GRB10: variants seen among roughly 807,000 people sequenced by gnomAD.
GRB10 encodes growth factor receptor-bound protein 10.
GRB10 carries 20 observed loss-of-function variants against 80.9 expected under a neutral mutation model. The observed-to-expected ratio is 0.25, with a 90% confidence interval of 0.17 to 0.36. The LOEUF is 0.36. GRB10 is among the 10% of genes least tolerant of loss of function. The pLI is 1.00. For missense variants in GRB10, 548 were observed against 747.7 expected, an observed-to-expected ratio of 0.73 and a Z score of 3.12; for synonymous variants, 291 against 291.5, an observed-to-expected ratio of 1.00 and a Z score of 0.02.
intron 7 of GRB10, among the ~76,000 whole-genome samples, chr7:50,641,866 C>T (rs2056324458): frequency 6.6e-6 from 1 of 152,168 alleles, no homozygotes; most frequent in Non-Finnish European, 1.5e-5. Context: ...TGAGCGAGCC[C>T]AGAGTGTGTC....
In GRB10 at chr7:50,703,848, G is replaced by C; in HGVS notation, c.112C>G (p.Gln38Glu). Residue 38 changes from glutamine to glutamate, a missense_variant, in exon 5 of 19, where the codon CAG becomes GAG. Coordinates refer to ENST00000401949, the MANE Select transcript of GRB10 (RefSeq NM_001350814.2). The stretch of plus-strand genomic sequence containing the variant: ...TGGTGATTCGCAAGTCGGTCAGACT[G>C]TGCGGGGAGTCCTGGTCCTGCCGGG... ...QDPAGPGLPA[Q>E]SDRLANHQED... The C allele has an allele frequency of 6.2e-7, 1 of 1,613,416 alleles. No individual in the cohort carries two copies. The highest frequency in any genetic ancestry group is 8.5e-7 in the Non-Finnish European group (1 of 1,179,498).
chr7:50,655,591 C>G (rs566838887), intron 7 of GRB10, among the ~76,000 whole-genome samples: 98 of 152,324 alleles, frequency 6.4e-4, no homozygotes, highest in African/African-American at 2.3e-3. Context: ...CCAGATAACA[C>G]GTCAGCATCT....
At chr7:50,749,130 G>GTTTTTTTTTTTTTTTTTTTTTT (rs71018483) in intron 3 of GRB10, among the ~76,000 whole-genome samples, 3 of 139,546 alleles carry the variant, frequency 2.1e-5, no homozygotes, top group African/African-American at 5.4e-5. Context: ...TTGTTTTTTT[G>GTTTTTTTTTTTTTTTTTTTTTT]TTTGTTTTTT....
At chr7:50,776,625 G>A (rs920829601) in intron 2 of GRB10, among the ~76,000 whole-genome samples, 4 of 152,108 alleles carry the variant, frequency 2.6e-5, no homozygotes, top group African/African-American at 7.2e-5. Context: ...CTATGCTCAC[G>A]GATTTCTTCC....
intron 15 of GRB10, 51 bp from the exon 16 acceptor site, chr7:50,604,428 A>G: frequency 6.8e-7 from 1 of 1,465,372 alleles, no homozygotes; most frequent in Non-Finnish European, 9.6e-7. Context: ...AGACACACCA[A>G]GTCACCCAAT....
At chr7:50,692,048 G>A (rs1465987954) in intron 5 of GRB10, among the ~76,000 whole-genome samples, 1 of 152,144 alleles carries the variant, frequency 6.6e-6, no homozygotes, top group Non-Finnish European at 1.5e-5. Flanking sequence ...AAAACAGAGT[G>A]TACTTGCACA....
At chr7:50,632,396 C>A (rs951423569) in intron 7 of GRB10, among the ~76,000 whole-genome samples, 1 of 152,206 alleles carries the variant, frequency 6.6e-6, no homozygotes, top group Non-Finnish European at 1.5e-5. Flanking sequence ...ACCCTGAGGC[C>A]TGGTCTCAGC....
chr7:50,725,074 C>T (rs1196745659), intron 4 of GRB10, among the ~76,000 whole-genome samples: 5 of 152,138 alleles, frequency 3.3e-5, no homozygotes, highest in Admixed American at 2.6e-4. Context: ...TGCTGCCTGC[C>T]CTACCTGCTG....
chr7:50,713,895 T>C (rs939385285), intron 4 of GRB10, among the ~76,000 whole-genome samples: 3 of 150,886 alleles, frequency 2.0e-5, no homozygotes, highest in Non-Finnish European at 4.4e-5. Flanking sequence ...CCTCCTCCAC[T>C]ACCTACCCCT....
intron 5 of GRB10, among the ~76,000 whole-genome samples, chr7:50,700,553 C>T (rs1244494339): frequency 6.6e-6 from 1 of 152,112 alleles, no homozygotes; most frequent in Non-Finnish European, 1.5e-5. Context: ...TTCTACATTC[C>T]TTATTCTATT....
chr7:50,638,359 A>G (rs2055472128), intron 7 of GRB10, among the ~76,000 whole-genome samples: 1 of 152,210 alleles, frequency 6.6e-6, no homozygotes, highest in Non-Finnish European at 1.5e-5. Flanking sequence ...AAGGACTAAT[A>G]CCCAGAATCT....
chr7:50,776,651 T>C (rs574924165), intron 2 of GRB10, among the ~76,000 whole-genome samples: 14 of 152,182 alleles, frequency 9.2e-5, no homozygotes, highest in Non-Finnish European at 1.8e-4. Flanking sequence ...ATATCCTAGG[T>C]TGTCACTCTT....
intron 13 of GRB10, among the ~76,000 whole-genome samples, chr7:50,612,127 C>G (rs2049648636): frequency 6.6e-6 from 1 of 152,200 alleles, no homozygotes; most frequent in African/African-American, 2.4e-5. Context: ...AACTTACAGT[C>G]AGGAGGTACT....
chr7:50,748,584 G>A (rs1287546543), intron 3 of GRB10, among the ~76,000 whole-genome samples: 1 of 152,230 alleles, frequency 6.6e-6, no homozygotes, highest in Non-Finnish European at 1.5e-5. Context: ...TAATGGGCCA[G>A]GTTCTCAGCT....
At chr7:50,619,896 T>C (rs1403857843) in intron 8 of GRB10, among the ~76,000 whole-genome samples, 3 of 151,982 alleles carry the variant, frequency 2.0e-5, no homozygotes, top group African/African-American at 7.2e-5. Flanking sequence ...GAAAACACAC[T>C]CCATCCTCCA....
chr7:50,639,450 C>G (rs997500676), intron 7 of GRB10, among the ~76,000 whole-genome samples: 1 of 151,936 alleles, frequency 6.6e-6, no homozygotes. Context: ...CCGAAGTGGG[C>G]GGATCACAAG....
At chr7:50,673,289 G>C (rs2060551980) in intron 6 of GRB10, among the ~76,000 whole-genome samples, 1 of 152,174 alleles carries the variant, frequency 6.6e-6, no homozygotes, top group Non-Finnish European at 1.5e-5. Context: ...GGCACGCAGG[G>C]TCCCACGGAG....
intron 6 of GRB10, 46 bp downstream of exon 6, chr7:50,674,390 A>C (rs1349280792): frequency 1.3e-6 from 2 of 1,556,298 alleles, no homozygotes; most frequent in Non-Finnish European, 1.8e-6. Context: ...CCCTGCCGAC[A>C]GCTCTCATCC....
chr7:50,711,105 G>A lies in GRB10; in HGVS notation c.52-7197C>T, dbSNP rs191663886. On this transcript the variant is annotated intron_variant, in intron 4 of 18. Coordinates refer to ENST00000401949, the MANE Select transcript of GRB10 (RefSeq NM_001350814.2). ...ATGTCTTCCACCTGGGAGAATGCCC[G>A]ATCATAACCTACAGGCTTAACAGGG... 5.1e-5 allele frequency: 30 copies of A among 589,242 alleles called. No homozygotes were observed. In the East Asian group the frequency reaches 6.3e-4, roughly 12 times the overall value. 36.5% of individuals were successfully genotyped at this position (589,242 alleles called of 1,614,324 possible).
Sources: allele counts gnomAD v4.1 joint callset (sites outside exome capture counted in the v4.1 genomes callset), GRCh38; gene constraint gnomAD v4.1.1; transcripts MANE v1.5; gene names NCBI Gene and HGNC (gene_info 2026-07-23, HGNC 2026-07-21).